The following PEX7 variants were observed in gnomAD, a reference collection of about 807,000 sequenced individuals.
PEX7 encodes peroxisomal biogenesis factor 7, also known as PTS2 receptor.
A neutral mutation model predicts 47.5 loss-of-function variants in PEX7; 34 were observed. The ratio of observed to expected loss-of-function variants is 0.72; its 90% CI spans 0.54 to 0.95. The LOEUF (loss-of-function observed/expected upper bound fraction) is 0.95. Ranked by LOEUF, PEX7 falls within the 40% of genes least tolerant of loss-of-function variation. The pLI, the probability that PEX7 is intolerant of heterozygous loss-of-function variation, is 0.00. For missense variants in PEX7, 394 were observed against 400.3 expected (o/e 0.98, Z 0.13); for synonymous variants, 141 against 148.8 (o/e 0.95, Z 0.38).
At chr6:136,907,458 G>C (rs1020775304) in intron 9 of PEX7, among the ~76,000 whole-genome samples, 1 of 151,572 alleles carries the variant, frequency 6.6e-6, no homozygotes, top group Non-Finnish European at 1.5e-5. Flanking sequence ...TGTCTTGGCT[G>C]CTTTTTCAAA....
chr6:136,895,062 C>T (rs183989109), intron 8 of PEX7, among the ~76,000 whole-genome samples: 44 of 152,248 alleles, frequency 2.9e-4, no homozygotes, highest in African/African-American at 1.0e-3. Flanking sequence ...CATGCCCACT[C>T]CCTTAACTGC....
intron 8 of PEX7, among the ~76,000 whole-genome samples, chr6:136,891,643 C>T (rs940756195): frequency 6.7e-6 from 1 of 149,802 alleles, no homozygotes; most frequent in African/African-American, 2.5e-5. Flanking sequence ...TAAAATTGTT[C>T]AACAGCCCTT....
intron 9 of PEX7, among the ~76,000 whole-genome samples, chr6:136,898,671 G>A (rs766000769): frequency 2.0e-5 from 3 of 152,168 alleles, no homozygotes; most frequent in African/African-American, 7.2e-5. Flanking sequence ...TTCACACCAC[G>A]TGTCGAATGG....
chr6:136,909,473 A>T (rs562607531), intron 9 of PEX7, among the ~76,000 whole-genome samples: 12 of 152,298 alleles, frequency 7.9e-5, no homozygotes, highest in African/African-American at 2.9e-4. Context: ...AGTGGCAGTG[A>T]TAATTAATAA....
At chr6:136,876,107 G>A (rs180764693) in intron 8 of PEX7, among the ~76,000 whole-genome samples, 1,641 of 150,988 alleles carry the variant, frequency 0.011, 12 homozygotes, top group Middle Eastern at 0.024. Flanking sequence ...GCACAATCTC[G>A]GCTCACTGCA....
chr6:136,879,218 G>A (rs1775332438), intron 8 of PEX7, among the ~76,000 whole-genome samples: 1 of 152,004 alleles, frequency 6.6e-6, no homozygotes, highest in Non-Finnish European at 1.5e-5. Flanking sequence ...AATATATTAA[G>A]TGCTCATTAT....
At chr6:136,911,311 C>T (rs1241075976) in intron 9 of PEX7, among the ~76,000 whole-genome samples, 1 of 152,164 alleles carries the variant, frequency 6.6e-6, no homozygotes, top group Non-Finnish European at 1.5e-5. Flanking sequence ...TGGTACTGAG[C>T]CTGTTAGCAA....
intron 5 of PEX7, among the ~76,000 whole-genome samples, chr6:136,847,531 A>AT (rs1774629924): frequency 6.6e-6 from 1 of 151,722 alleles, no homozygotes; most frequent in Non-Finnish European, 1.5e-5. Flanking sequence ...ATAAGGTGTA[A>AT]GGAAGGGATC....
At chr6:136,827,115 G>A (rs1220532326) in intron 3 of PEX7, among the ~76,000 whole-genome samples, 1 of 152,188 alleles carries the variant, frequency 6.6e-6, no homozygotes, top group Non-Finnish European at 1.5e-5. Flanking sequence ...ACATCCTTCA[G>A]ATGAAAACTT....
chr6:136,846,982 T>A (rs1774617286), intron 5 of PEX7, among the ~76,000 whole-genome samples: 1 of 152,208 alleles, frequency 6.6e-6, no homozygotes, highest in South Asian at 2.1e-4. Flanking sequence ...TTCCTATTTC[T>A]CCACATCCTC....
intron 9 of PEX7, among the ~76,000 whole-genome samples, chr6:136,898,467 T>C (rs192242136): frequency 8.5e-5 from 13 of 152,360 alleles, no homozygotes; most frequent in Non-Finnish European, 1.8e-4. Context: ...CCAGGAGGTA[T>C]TATCCTAACA....
At chr6:136,857,779 G>T (rs1774887583) in intron 5 of PEX7, among the ~76,000 whole-genome samples, 1 of 152,184 alleles carries the variant, frequency 6.6e-6, no homozygotes, top group Non-Finnish European at 1.5e-5. Flanking sequence ...TGTGCATAAA[G>T]GGCTTAGTTA....
At chr6:136,872,086 A>G in intron 7 of PEX7, 112 bp from the exon 8 acceptor site, 1 of 921,758 alleles carries the variant, frequency 1.1e-6, no homozygotes, top group South Asian at 1.5e-5. Flanking sequence ...TTTAAGTGAC[A>G]GCTCTGACTC....
chr6:136,903,724 G>C (rs56240531), intron 9 of PEX7, among the ~76,000 whole-genome samples: 9,614 of 151,836 alleles, frequency 0.063, 703 homozygotes, highest in African/African-American at 0.18. Context: ...GCAGTGGTAC[G>C]TCATGGCTCA....
rs775319689 is a variant in PEX7, at chr6:136,826,394, C to T, written c.264C>T (p.Gly88=). The T allele has an allele frequency of 8.7e-6, 14 of 1,613,592 alleles. No homozygotes were observed. Among genetic ancestry groups the T allele is most frequent in the African/African-American group, 5.3e-5 (4 of 74,812 alleles). The stretch of plus-strand genomic sequence containing the variant: ...AACATGTCCTCATCACCTGTAGTGG[C>T]GATGGCTCGCTGCAGCTCTGGGACA... ...NNEHVLITCS[G]DGSLQLWDTA... is the part of the protein sequence containing the mutation. The change falls in exon 3 of 10, where the codon GGC becomes GGT. Residue 88 remains glycine (G), a synonymous_variant. Coordinates refer to ENST00000318471, the MANE Select transcript of PEX7 (RefSeq NM_000288.4).
intron 1 of PEX7, 27 bp downstream of exon 1, chr6:136,822,822 C>CG (rs1161298951): frequency 3.7e-5 from 46 of 1,230,164 alleles, no homozygotes; most frequent in Admixed American, 1.0e-4. Flanking sequence ...CAGCTGGGGC[C>CG]GGGGGGCGGA....
chr6:136,892,124 A>C (rs1463246250), intron 8 of PEX7, among the ~76,000 whole-genome samples: 6 of 152,190 alleles, frequency 3.9e-5, no homozygotes, highest in Non-Finnish European at 8.8e-5. Flanking sequence ...AAAAATATTA[A>C]AAGAGAGAAA....
intron 5 of PEX7, chr6:136,855,763 A>T: frequency 2.5e-6 from 1 of 394,006 alleles, no homozygotes; most frequent in South Asian, 2.1e-5. Flanking sequence ...TTTAAAAAGG[A>T]TATTTCGTTT....
At chr6:136,902,604 G>A (rs1775771871) in intron 9 of PEX7, among the ~76,000 whole-genome samples, 1 of 151,790 alleles carries the variant, frequency 6.6e-6, no homozygotes, top group African/African-American at 2.4e-5. Flanking sequence ...ATCATGATTT[G>A]TACAGTTCTG....
Sources: allele counts gnomAD v4.1 joint callset (sites outside exome capture counted in the v4.1 genomes callset), GRCh38; gene constraint gnomAD v4.1.1; transcripts MANE v1.5; gene names NCBI Gene and HGNC (gene_info 2026-07-23, HGNC 2026-07-21).